TRPM1: variants seen among roughly 807,000 people sequenced by gnomAD.
The protein encoded by TRPM1 is TRPM1-203 APA Isoform, Intron 10.
A neutral mutation model predicts 149.4 loss-of-function variants in TRPM1; 113 were observed. That is an observed-to-expected ratio of 0.76 (90% CI 0.65 to 0.88). The LOEUF (loss-of-function observed/expected upper bound fraction) is 0.88. TRPM1 is among the 40% of genes least tolerant of loss of function. The pLI is 0.00. For synonymous variants in TRPM1, 741 were observed against 759.5 expected (o/e 0.98, Z 0.40); for missense variants, 1,976 against 2,038.7 (o/e 0.97, Z 0.59).
intron 2 of TRPM1, among the ~76,000 whole-genome samples, chr15:31,079,841 C>T (rs554342257): frequency 5.3e-5 from 8 of 152,288 alleles, no homozygotes; most frequent in Admixed American, 5.2e-4. Context: ...ATACCATTCT[C>T]CACTAAAAGG....
intron 1 of TRPM1, among the ~76,000 whole-genome samples, chr15:31,114,399 G>C (rs2035770232): frequency 6.6e-6 from 1 of 152,146 alleles, no homozygotes; most frequent in South Asian, 2.1e-4. Flanking sequence ...TGTACCACAT[G>C]TTTTATCCAG....
chr15:31,060,262 T>A (rs1277195258), intron 11 of TRPM1: 9 of 513,922 alleles, frequency 1.8e-5, no homozygotes, highest in Non-Finnish European at 1.8e-5. Context: ...ATTTTATTTC[T>A]TCTTCTTTTT....
intron 4 of TRPM1, chr15:31,069,524 TC>T: frequency 1.8e-6 from 2 of 1,133,822 alleles, no homozygotes; most frequent in African/African-American, 3.2e-5. Context: ...AGCTGAAGCC[TC>T]CCCCACGCTG....
chr15:31,149,707 G>C (rs935787411), intron 1 of TRPM1, among the ~76,000 whole-genome samples: 11 of 152,208 alleles, frequency 7.2e-5, no homozygotes, highest in East Asian at 5.8e-4. Context: ...TTTTAGTAGA[G>C]ACGGGGTTTC....
chr15:31,012,807 C>T (rs1020933541), intron 27 of TRPM1, among the ~76,000 whole-genome samples: 2 of 152,012 alleles, frequency 1.3e-5, no homozygotes, highest in Non-Finnish European at 2.9e-5. Flanking sequence ...TCATTTCCTC[C>T]CCCTGTTCCT....
chr15:31,106,202 A>C (rs1323697170), upstream of TRPM1, among the ~76,000 whole-genome samples: 1 of 150,540 alleles, frequency 6.6e-6, no homozygotes, highest in Admixed American at 6.6e-5. Context: ...GCAGTGGTGC[A>C]ATCTCAGCTC....
chr15:31,044,548 G>A (rs979958406), intron 16 of TRPM1, among the ~76,000 whole-genome samples: 6 of 152,120 alleles, frequency 3.9e-5, no homozygotes, highest in African/African-American at 1.4e-4. Context: ...CAAGATGGGT[G>A]GATCACCTGA....
At chr15:31,067,026 T>A (rs1255046735) in intron 6 of TRPM1, 37 bp downstream of exon 6, 1 of 1,614,116 alleles carries the variant, frequency 6.2e-7, no homozygotes, top group African/African-American at 1.3e-5. Context: ...ATCATTAATT[T>A]TAAAAAACTG....
At chr15:31,086,512 G>A (rs2035003971) in intron 1 of TRPM1, among the ~76,000 whole-genome samples, 1 of 152,232 alleles carries the variant, frequency 6.6e-6, no homozygotes, top group South Asian at 2.1e-4. Context: ...GAGGGGTGGT[G>A]ACCAGGGACA....
chr15:31,061,684 T>C (rs939811829), intron 9 of TRPM1, among the ~76,000 whole-genome samples, 170 bp from the exon 10 acceptor site: 2 of 151,626 alleles, frequency 1.3e-5, no homozygotes, highest in Admixed American at 1.3e-4. Context: ...TTTTCTTTTT[T>C]CTTTTTGTTT....
chr15:31,094,879 C>T (rs1374857904), intron 1 of TRPM1, among the ~76,000 whole-genome samples: 4 of 152,160 alleles, frequency 2.6e-5, no homozygotes, highest in Non-Finnish European at 4.4e-5. Flanking sequence ...TAGGTATATA[C>T]CCAAGAGAAA....
intron 27 of TRPM1, among the ~76,000 whole-genome samples, chr15:31,013,100 C>A (rs1357449283): frequency 6.6e-6 from 1 of 151,736 alleles, no homozygotes; most frequent in Non-Finnish European, 1.5e-5. Context: ...CCCACCTCAG[C>A]CTCCCAAGTA....
In TRPM1 at chr15:31,049,500, A is replaced by G. The variant is rs2033882748; in HGVS notation, c.1447T>C (p.Leu483=). Reference sequence around the variant, plus strand: ...AAAGCATCTAGCATCGCTTGCTCCAAAGCATTCACCTGCAGGGACCAAGGG... The same window carrying G: ...AAAGCATCTAGCATCGCTTGCTCCAGAGCATTCACCTGCAGGGACCAAGGG... ...KIELLNWVNA[L]EQAMLDALVL... The change falls in exon 13 of 28, where the codon TTG becomes CTG. Residue 483 remains leucine, a synonymous_variant. Transcript: ENST00000256552. 7 of 1,613,800 alleles carry G rather than the reference A, an allele frequency of 4.3e-6. No individual in the cohort carries two copies. The highest frequency in any genetic ancestry group is 5.9e-6 in the Non-Finnish European group (7 of 1,180,030).
At chr15:31,160,446 C>G (rs2036430095) in intron 1 of TRPM1, among the ~76,000 whole-genome samples, 1 of 152,192 alleles carries the variant, frequency 6.6e-6, no homozygotes, top group South Asian at 2.1e-4. Flanking sequence ...CTGCCAGACC[C>G]CATCCCCTAA....
chr15:31,051,326 C>T (rs1053232852), intron 11 of TRPM1, among the ~76,000 whole-genome samples: 36 of 152,284 alleles, frequency 2.4e-4, no homozygotes, highest in African/African-American at 7.5e-4. Context: ...CAGACCCACC[C>T]GCTCCTCTTA....
At chr15:31,137,309 T>C (rs977699114) in intron 1 of TRPM1, among the ~76,000 whole-genome samples, 4 of 152,180 alleles carry the variant, frequency 2.6e-5, no homozygotes, top group African/African-American at 7.2e-5. Flanking sequence ...AACATAAACA[T>C]GGGATCTCTA....
At position 31,040,323 on chromosome 15, in the gene TRPM1, T is replaced by C; in HGVS notation, c.2111A>G (p.Glu704Gly). The C allele has an allele frequency of 6.2e-7, 1 of 1,614,022 alleles. No individual in the cohort carries two copies. ...NSKDFGQLAL[E>G]LLDQSYKHDE... ...ATGCTTATAGGACTGGTCTAATAAC[T>C]CCAAAGCAAGCTGGCCGAAGTCTCT... Residue 704 changes from glutamate (E) to glycine (G), a missense_variant, in exon 18 of 28, where the codon GAG (glutamate) becomes GGG (glycine). Glu to Gly is a moderately conservative substitution (Grantham distance 98). Around this residue, in one of 3 missense-constraint regions of TRPM1, gnomAD observed 1,332 missense variants for 1,347.1 expected, o/e 0.99. Transcript: ENST00000256552. This position sits in a 1 kb window ranked among gnomAD's most constrained non-coding sequence, Gnocchi z 4.2.
intron 7 of TRPM1, among the ~76,000 whole-genome samples, chr15:31,065,547 G>A (rs1268279408): frequency 6.6e-6 from 1 of 152,054 alleles, no homozygotes; most frequent in African/African-American, 2.4e-5. Context: ...CTCAGCTTTC[G>A]TCTGACAGTG....
chr15:31,029,572 T>C (rs756764532), intron 23 of TRPM1, among the ~76,000 whole-genome samples, 181 bp from the exon 24 acceptor site: 7 of 152,222 alleles, frequency 4.6e-5, no homozygotes, highest in Non-Finnish European at 8.8e-5. Context: ...TTAGAAACAG[T>C]GATCTGTTTA....
Sources: gnomAD v4.1 joint callset for allele counts (sites outside exome capture counted in the v4.1 genomes callset) on GRCh38, gnomAD v4.1.1 for gene constraint, gnomAD v4.1.1 regional missense constraint, Gnocchi (gnomAD v3.1) non-coding constraint, MANE v1.5 for transcripts, NCBI Gene and HGNC (gene_info 2026-07-23, HGNC 2026-07-21) for gene names.